ATP9B: variants seen among roughly 807,000 people sequenced by gnomAD.
ATP9B encodes probable phospholipid-transporting ATPase IIB.
In ATP9B, 110 loss-of-function variants were observed where a neutral mutation model predicts 146.1. The ratio of observed to expected loss-of-function variants is 0.75; its 90% CI spans 0.65 to 0.88. ATP9B has a LOEUF of 0.88. ATP9B is among the 40% of genes least tolerant of loss of function. ATP9B has a pLI of 0.00. For missense variants in ATP9B, 1,499 were observed against 1,496.4 expected, an observed-to-expected ratio of 1.00 and a Z score of -0.03; for synonymous variants, 604 against 569.7, an observed-to-expected ratio of 1.06 and a Z score of -0.86.
At chr18:79,313,523 A>G (rs1410467487) in intron 15 of ATP9B, among the ~76,000 whole-genome samples, 1 of 152,262 alleles carries the variant, frequency 6.6e-6, no homozygotes. Context: ...AACCTAGACT[A>G]GAGATTTTTC....
intron 9 of ATP9B, among the ~76,000 whole-genome samples, chr18:79,198,290 C>T (rs2095435051): frequency 6.6e-6 from 1 of 152,044 alleles, no homozygotes; most frequent in South Asian, 2.1e-4. Context: ...TATAAGAAAA[C>T]ACATTAAAAA....
At chr18:79,375,888 G>T (rs760152582) in intron 29 of ATP9B, 3 of 985,180 alleles carry the variant, frequency 3.0e-6, no homozygotes, top group Non-Finnish European at 2.4e-6. Context: ...CAGTCTAAAG[G>T]GATTTCCACT....
chr18:79,110,615 A>G lies in ATP9B; in HGVS notation c.444+110A>G. 4 of 1,043,374 alleles carry G rather than the reference A, an allele frequency of 3.8e-6. No homozygotes were observed. In the South Asian group the frequency reaches 6.9e-5, roughly 18 times the overall value. The allele number at this position is 1,043,374 out of a possible 1,614,324, so 64.6% of individuals were successfully genotyped here. A position where few individuals can be genotyped will look rare whatever the true frequency, so the allele number is the denominator to read the frequency against. On this transcript the variant is annotated intron_variant, in intron 3 of 29. Coordinates refer to ENST00000426216, the MANE Select transcript of ATP9B (RefSeq NM_198531.5). ...TGACTTAGGTATTGAGTTGTGTCAC[A>G]TCCAAATCAGTGTCCTTTTGCTTTT...
intron 7 of ATP9B, among the ~76,000 whole-genome samples, chr18:79,155,753 CTTTTTTTTTTTTTTTT>C (rs56002235): frequency 1.4e-5 from 1 of 74,048 alleles, no homozygotes; most frequent in Non-Finnish European, 2.3e-5. Flanking sequence ...TGTTTTCTCT[CTTTTTTTTTTTTTTTT>C]TTTTTTTTTT....
chr18:79,090,883 A>G (rs918002643), intron 1 of ATP9B, among the ~76,000 whole-genome samples: 5 of 152,100 alleles, frequency 3.3e-5, no homozygotes, highest in African/African-American at 1.2e-4. Context: ...GATTTCCCCC[A>G]ATATTTTCTT....
At chr18:79,376,082 G>A in intron 29 of ATP9B, 1 of 984,900 alleles carries the variant, frequency 1.0e-6, no homozygotes, top group Non-Finnish European at 1.2e-6. Context: ...GCCTCTAAGA[G>A]CAGACCGGTC....
Position 79,325,070 on chromosome 18 carries a change from C to T in ATP9B, c.1774-4071C>T, listed in dbSNP as rs150780153. Among the ~76,000 whole-genome samples, 351 of 152,278 alleles carry T rather than the reference C, an allele frequency of 2.3e-3. 1 individual carries two copies. Among genetic ancestry groups the T allele is most frequent in the African/African-American group, 7.6e-3 (314 of 41,554 alleles). ...CCTGCTGGAAAAGGGAGCCCACAAC[C>T]CCTGAGCCCCTCTCCCAGGTTCTGG... is the stretch of plus-strand genomic sequence containing the variant. On this transcript the variant is annotated intron_variant, in intron 15 of 29. Coordinates refer to ENST00000426216, the MANE Select transcript of ATP9B (RefSeq NM_198531.5).
chr18:79,240,931 T>C lies in ATP9B; in HGVS notation c.1108-12450T>C, dbSNP rs376838339. On this transcript the variant is annotated intron_variant, in intron 11 of 29. Transcript: ENST00000426216. ...TCTCCAAGCTGCCATGAGCTGTGTG[T>C]TCTTGACCAAACACCTAACCTCCTT... 2.4e-3 allele frequency among the ~76,000 whole-genome samples: 366 copies of C among 152,306 alleles called. 2 individuals are homozygous for C. The highest frequency in any genetic ancestry group is 6.4e-3 in the South Asian group (31 of 4,822).
chr18:79,346,381 C>T (rs1450064694), intron 23 of ATP9B, among the ~76,000 whole-genome samples: 1 of 151,658 alleles, frequency 6.6e-6, no homozygotes, highest in Non-Finnish European at 1.5e-5. Context: ...ACACTTGGTA[C>T]ACTTGTTTAG....
intron 7 of ATP9B, among the ~76,000 whole-genome samples, chr18:79,161,959 T>G (rs1379583194): frequency 6.6e-6 from 1 of 152,242 alleles, no homozygotes; most frequent in Non-Finnish European, 1.5e-5. Flanking sequence ...AATCAAGAAT[T>G]CTTAGCTTTA....
chr18:79,345,731 T>G, intron 22 of ATP9B, 44 bp from the exon 23 acceptor site: 1 of 1,611,402 alleles, frequency 6.2e-7, no homozygotes, highest in South Asian at 1.1e-5. Context: ...AAAAACGTGA[T>G]GATGGATAAG....
Position 79,069,487 on chromosome 18 carries a change from A to G in ATP9B, c.77A>G (p.Tyr26Cys), listed in dbSNP as rs945777170. 1.1e-5 allele frequency: 17 copies of G among 1,479,316 alleles called. No homozygotes were observed. The Admixed American group carries it at 1.2e-4, about 11-fold the overall frequency. 91.6% of individuals were successfully genotyped at this position (1,479,316 alleles called of 1,614,324 possible). A position where few individuals can be genotyped will look rare whatever the true frequency, so the allele number is the denominator to read the frequency against. The change falls in exon 1 of 30, where the codon TAC (tyrosine) becomes TGC (cysteine). Residue 26 changes from tyrosine to cysteine, a missense_variant. Physicochemically the swap from Tyr to Cys is radical, Grantham distance 194. Transcript: ENST00000426216. ...GCCAACCGCAAACGCGCGGCCTACTACAGCGCCGCGGGGCCCAGGCCGGGA... is the reference window on the plus strand; with the variant it reads ...GCCAACCGCAAACGCGCGGCCTACTGCAGCGCCGCGGGGCCCAGGCCGGGA... Reference protein sequence around the residue: ...AAANRKRAAYYSAAGPRPGAD... With the variant: ...AAANRKRAAYCSAAGPRPGAD...
At chr18:79,116,897 A>AT (rs2094087094) in intron 4 of ATP9B, among the ~76,000 whole-genome samples, 1 of 120,216 alleles carries the variant, frequency 8.3e-6, no homozygotes, top group Non-Finnish European at 1.7e-5. Context: ...CAATGTGCAC[A>AT]TGTACCCTAA....
At chr18:79,140,334 TG>T (rs948711204) in intron 5 of ATP9B, among the ~76,000 whole-genome samples, 2 of 152,142 alleles carry the variant, frequency 1.3e-5, no homozygotes, top group African/African-American at 2.4e-5. Flanking sequence ...TGGAATTTTT[TG>T]GGGGGGAATT....
chr18:79,223,412 A>C (rs1451782787), intron 11 of ATP9B, among the ~76,000 whole-genome samples: 1 of 152,192 alleles, frequency 6.6e-6, no homozygotes, highest in Admixed American at 6.5e-5. Context: ...CTTGTAATAA[A>C]ATACCGTAGA....
intron 9 of ATP9B, 138 bp from the exon 10 acceptor site, chr18:79,206,799 C>T (rs2095538389): frequency 7.6e-6 from 5 of 656,250 alleles, no homozygotes; most frequent in South Asian, 6.7e-5. Context: ...TTTTTTCTAA[C>T]GTCTGTTTTG....
intron 12 of ATP9B, among the ~76,000 whole-genome samples, chr18:79,274,451 C>T (rs1238585028): frequency 6.6e-6 from 1 of 152,048 alleles, no homozygotes; most frequent in African/African-American, 2.4e-5. Context: ...TTATATACTC[C>T]TTATGTGGTA....
chr18:79,262,166 A>G (rs1225634850), intron 12 of ATP9B, among the ~76,000 whole-genome samples: 1 of 151,484 alleles, frequency 6.6e-6, no homozygotes, highest in Non-Finnish European at 1.5e-5. Context: ...AGAAGTAAAA[A>G]TTATCTGAAA....
At chr18:79,246,749 C>T (rs1160885737) in intron 11 of ATP9B, among the ~76,000 whole-genome samples, 1 of 152,218 alleles carries the variant, frequency 6.6e-6, no homozygotes, top group Non-Finnish European at 1.5e-5. Flanking sequence ...GCTTCCCCTC[C>T]CAGCCGCCTA....
Sources: gnomAD v4.1 joint callset for allele counts (sites outside exome capture counted in the v4.1 genomes callset) on GRCh38, gnomAD v4.1.1 for gene constraint, MANE v1.5 for transcripts, NCBI Gene and HGNC (gene_info 2026-07-23, HGNC 2026-07-21) for gene names.